SYT14: variants seen among roughly 807,000 people sequenced by gnomAD.
SYT14 encodes the protein synaptotagmin 14, also known as synaptotagmin-14.
In SYT14, 32 loss-of-function variants were observed where a neutral mutation model predicts 74.2. The ratio of observed to expected loss-of-function variants is 0.43; its 90% CI spans 0.33 to 0.58. The LOEUF (loss-of-function observed/expected upper bound fraction) is 0.58. SYT14 is among the 20% of genes least tolerant of loss of function. The pLI, the probability that SYT14 is intolerant of heterozygous loss-of-function variation, is 0.05. For synonymous variants in SYT14, 298 were observed against 337.7 expected (o/e 0.88, Z 1.29); for missense variants, 791 against 981.8 (o/e 0.81, Z 2.60).
chr1:210,083,173 G>A (rs752374618), intron 5 of SYT14, among the ~76,000 whole-genome samples: 1 of 151,984 alleles, frequency 6.6e-6, no homozygotes, highest in Admixed American at 6.5e-5. Flanking sequence ...TGTATTTTTA[G>A]TAGAGATAGG....
intron 2 of SYT14, among the ~76,000 whole-genome samples, chr1:209,966,749 G>A (rs565856254): frequency 3.5e-4 from 53 of 152,240 alleles, no homozygotes; most frequent in African/African-American, 1.1e-3. Context: ...AAATATTTAC[G>A]TAGATGACCG....
At chr1:210,042,552 G>A (rs1231310382) in intron 5 of SYT14, among the ~76,000 whole-genome samples, 1 of 152,106 alleles carries the variant, frequency 6.6e-6, no homozygotes, top group Non-Finnish European at 1.5e-5. Flanking sequence ...TGTAAGGAAG[G>A]GATACAGTTT....
intron 6 of SYT14, among the ~76,000 whole-genome samples, chr1:210,099,358 A>G (rs2082019529): frequency 6.6e-6 from 1 of 152,206 alleles, no homozygotes; most frequent in South Asian, 2.1e-4. Flanking sequence ...TGCCATTTTC[A>G]ATAGTCATTA....
At chr1:210,089,277 C>G (rs542117819) in intron 5 of SYT14, among the ~76,000 whole-genome samples, 1 of 152,326 alleles carries the variant, frequency 6.6e-6, no homozygotes, top group South Asian at 2.1e-4. Flanking sequence ...TCCAGTCTAT[C>G]ATTGATGGGC....
At chr1:210,070,692 C>G (rs2081376284) in intron 5 of SYT14, among the ~76,000 whole-genome samples, 1 of 152,026 alleles carries the variant, frequency 6.6e-6, no homozygotes, top group African/African-American at 2.4e-5. Flanking sequence ...GACAGGTACA[C>G]TTGGAGTTTT....
intron 5 of SYT14, among the ~76,000 whole-genome samples, chr1:210,091,508 G>A (rs769215550): frequency 5.3e-4 from 80 of 152,134 alleles, no homozygotes; most frequent in Non-Finnish European, 1.0e-3. Context: ...GGGCAACATG[G>A]CAAGACCCTG....
chr1:210,123,979 A>G (rs1339991280), intron 7 of SYT14, among the ~76,000 whole-genome samples: 2 of 152,224 alleles, frequency 1.3e-5, no homozygotes, highest in Non-Finnish European at 2.9e-5. Context: ...CTTGTAAATT[A>G]CAAGTATGAT....
At position 210,137,197 on chromosome 1, in the gene SYT14, T is replaced by G. The variant is rs2082805224; in HGVS notation, c.2035-18524T>G. ...AAGGCCCAAACAATATCGGGAACTC[T>G]GAAGAGGAGGCAGGTGTGGGCCCCA... On this transcript the variant is annotated intron_variant, in intron 7 of 9. Transcript: ENST00000637265. 1.3e-5 allele frequency among the ~76,000 whole-genome samples: 2 copies of G among 152,200 alleles called. 1 individual carries two copies. The highest frequency in any genetic ancestry group is 1.3e-4 in the Admixed American group (2 of 15,280).
At chr1:210,100,863 A>G (rs2082052083) in intron 7 of SYT14, among the ~76,000 whole-genome samples, 1 of 152,192 alleles carries the variant, frequency 6.6e-6, no homozygotes. Flanking sequence ...GCTGTATGGC[A>G]GAAAGGATTT....
chr1:209,983,606 T>G (rs1159282173), intron 2 of SYT14, among the ~76,000 whole-genome samples: 1 of 150,562 alleles, frequency 6.6e-6, no homozygotes, highest in Non-Finnish European at 1.5e-5. Flanking sequence ...TGATTTTCTT[T>G]GTGTGTGTGT....
At chr1:210,166,205 G>A (rs1170575207) in exon 10 of SYT14, 7 of 152,314 alleles carry the variant, frequency 4.6e-5, no homozygotes, top group South Asian at 2.1e-4. Context: ...GAGGACACAC[G>A]TTCTTTCCAA....
intron 7 of SYT14, among the ~76,000 whole-genome samples, chr1:210,135,367 T>C (rs1208401676): frequency 6.6e-6 from 1 of 152,184 alleles, no homozygotes; most frequent in Non-Finnish European, 1.5e-5. Context: ...CTGTGCAATG[T>C]CTATGTTGGT....
At chr1:210,085,334 T>TA (rs1370995525) in intron 5 of SYT14, among the ~76,000 whole-genome samples, 3 of 152,234 alleles carry the variant, frequency 2.0e-5, no homozygotes, top group Non-Finnish European at 2.9e-5. Context: ...TAATGACTGT[T>TA]ATTTTTCTCT....
chr1:209,981,262 T>C (rs951234554), intron 2 of SYT14, among the ~76,000 whole-genome samples: 2 of 152,184 alleles, frequency 1.3e-5, no homozygotes, highest in Non-Finnish European at 2.9e-5. Flanking sequence ...GTATTGTTCT[T>C]TCATTTCCAT....
chr1:209,939,897 C>T (rs577599058), intron 1 of SYT14, among the ~76,000 whole-genome samples: 2 of 152,292 alleles, frequency 1.3e-5, no homozygotes, highest in South Asian at 4.1e-4. Flanking sequence ...TTTCTACTGG[C>T]AGTTAAGTGT....
intron 7 of SYT14, among the ~76,000 whole-genome samples, chr1:210,150,328 G>A (rs76142040): frequency 6.6e-6 from 1 of 152,294 alleles, no homozygotes; most frequent in Non-Finnish European, 1.5e-5. Flanking sequence ...CACTCCAGTA[G>A]GCTGTCCCTT....
intron 2 of SYT14, among the ~76,000 whole-genome samples, chr1:209,955,160 CTGT>C (rs766227062): frequency 9.2e-5 from 14 of 152,062 alleles, no homozygotes; most frequent in Non-Finnish European, 1.8e-4. Context: ...TTATCTAGTT[CTGT>C]TGTTTTAAAT....
chr1:210,039,558 T>G (rs1212621234), intron 5 of SYT14, among the ~76,000 whole-genome samples: 1 of 152,152 alleles, frequency 6.6e-6, no homozygotes, highest in Non-Finnish European at 1.5e-5. Flanking sequence ...CTAGAGAGCT[T>G]CTTCACAGCA....
intron 2 of SYT14, among the ~76,000 whole-genome samples, chr1:209,980,199 C>G (rs2079456745): frequency 6.6e-6 from 1 of 152,208 alleles, no homozygotes; most frequent in African/African-American, 2.4e-5. Context: ...TTACATTTCT[C>G]TGATGATCAG....
Sources: allele counts gnomAD v4.1 joint callset (sites outside exome capture counted in the v4.1 genomes callset), GRCh38; gene constraint gnomAD v4.1.1; transcripts MANE v1.5; gene names NCBI Gene and HGNC (gene_info 2026-07-23, HGNC 2026-07-21).